Variants in CALN1 observed in about 807,000 individuals in gnomAD.
CALN1 encodes the protein calcium-binding protein 8.
A neutral mutation model predicts 30.6 loss-of-function variants in CALN1; 17 were observed. That is an observed-to-expected ratio of 0.56 (90% CI 0.38 to 0.83). The LOEUF is 0.83. CALN1 is among the 40% of genes least tolerant of loss of function. CALN1 has a pLI of 0.00. For synonymous variants in CALN1, 156 were observed against 131.4 expected (o/e 1.19, Z -1.28); for missense variants, 291 against 354.9 (o/e 0.82, Z 1.45).
At chr7:71,792,048 C>T (rs1044675360) in intron 6 of CALN1, among the ~76,000 whole-genome samples, 1 of 152,106 alleles carries the variant, frequency 6.6e-6, no homozygotes, top group African/African-American at 2.4e-5. Flanking sequence ...AGGAAGGTTT[C>T]TCCAGAAAGC....
chr7:72,146,699 C>T (rs980890752), intron 3 of CALN1, among the ~76,000 whole-genome samples: 3 of 152,188 alleles, frequency 2.0e-5, no homozygotes, highest in Non-Finnish European at 4.4e-5. Context: ...GGAGGCATCA[C>T]ACTACCTGAC....
chr7:72,390,444 T>TA (rs1562941268), intron 2 of CALN1, among the ~76,000 whole-genome samples: 1 of 151,622 alleles, frequency 6.6e-6, no homozygotes, highest in South Asian at 2.1e-4. Flanking sequence ...AAGTAAAAAT[T>TA]AAAAAAATAA....
chr7:72,042,310 T>C (rs1218897535), intron 4 of CALN1, among the ~76,000 whole-genome samples: 1 of 152,098 alleles, frequency 6.6e-6, no homozygotes, highest in Non-Finnish European at 1.5e-5. Flanking sequence ...GTAGCTATGA[T>C]TTACCATGGA....
At chr7:72,197,702 G>A (rs1436616404) in intron 3 of CALN1, among the ~76,000 whole-genome samples, 2 of 152,026 alleles carry the variant, frequency 1.3e-5, no homozygotes, top group Middle Eastern at 3.4e-3. Flanking sequence ...AATAAAGATG[G>A]AAAATTAGCC....
chr7:72,064,970 C>T (rs1472619949), intron 4 of CALN1, among the ~76,000 whole-genome samples: 1 of 151,380 alleles, frequency 6.6e-6, no homozygotes, highest in African/African-American at 2.4e-5. Flanking sequence ...AGCTGCAGTG[C>T]ACTTGGGCAC....
intron 3 of CALN1, among the ~76,000 whole-genome samples, chr7:72,273,717 C>T (rs953127095): frequency 4.6e-5 from 7 of 151,750 alleles, no homozygotes; most frequent in African/African-American, 1.7e-4. Flanking sequence ...CCCTATGTTG[C>T]CCAGGCTGGT....
chr7:71,835,614 A>C (rs897866681), intron 5 of CALN1, among the ~76,000 whole-genome samples: 1 of 152,266 alleles, frequency 6.6e-6, no homozygotes, highest in Admixed American at 6.5e-5. Context: ...TGAAATTTTA[A>C]TTAGCTAAAG....
chr7:72,132,968 C>A (rs932207700), intron 3 of CALN1, among the ~76,000 whole-genome samples: 83 of 151,980 alleles, frequency 5.5e-4, no homozygotes, highest in Non-Finnish European at 9.0e-4. Flanking sequence ...GGAGCGGGTA[C>A]CCTATTGCGA....
At chr7:71,882,602 A>G (rs748136687) in intron 5 of CALN1, among the ~76,000 whole-genome samples, 23 of 152,126 alleles carry the variant, frequency 1.5e-4, no homozygotes, top group Non-Finnish European at 2.9e-4. Context: ...GATAACTGCT[A>G]TCCTCTCAGA....
intron 4 of CALN1, among the ~76,000 whole-genome samples, chr7:72,061,025 G>A (rs1381793715): frequency 6.6e-6 from 1 of 152,184 alleles, no homozygotes; most frequent in East Asian, 1.9e-4. Flanking sequence ...TGGCCAACGG[G>A]TGGAGCACGA....
chr7:72,446,332 C>A (rs1459181826), intron 1 of CALN1, among the ~76,000 whole-genome samples: 1 of 152,226 alleles, frequency 6.6e-6, no homozygotes, highest in Non-Finnish European at 1.5e-5. Flanking sequence ...TCTACTCCTT[C>A]TCTCTGCCAG....
chr7:72,299,433 A>G (rs1799094197), intron 2 of CALN1, among the ~76,000 whole-genome samples: 1 of 117,082 alleles, frequency 8.5e-6, no homozygotes, highest in Admixed American at 9.1e-5. Flanking sequence ...ATACATGTAA[A>G]TATTTAACTC....
chr7:72,116,028 C>G (rs1274517016), intron 3 of CALN1, among the ~76,000 whole-genome samples: 1 of 152,034 alleles, frequency 6.6e-6, no homozygotes, highest in Non-Finnish European at 1.5e-5. Flanking sequence ...AATAACAGTC[C>G]ATTGTGTATA....
At chr7:72,391,691 T>G (rs756242965) in intron 2 of CALN1, among the ~76,000 whole-genome samples, 6 of 152,000 alleles carry the variant, frequency 3.9e-5, no homozygotes, top group African/African-American at 1.5e-4. Flanking sequence ...TAAATGGGAG[T>G]TCCCCTGCAC....
chr7:72,102,492 T>G (rs1376452871), intron 4 of CALN1, among the ~76,000 whole-genome samples: 2 of 152,096 alleles, frequency 1.3e-5, no homozygotes, highest in Non-Finnish European at 1.5e-5. Context: ...CCAGTGAGGT[T>G]GTATGCAGAA....
intron 5 of CALN1, among the ~76,000 whole-genome samples, chr7:71,889,409 C>T (rs71551230): frequency 0.11 from 17,403 of 152,076 alleles, 1,441 homozygotes; most frequent in East Asian, 0.43. Flanking sequence ...AAAAAAAAAT[C>T]ACTCTATAGT....
chr7:72,196,664 T>G (rs149743573), intron 3 of CALN1, among the ~76,000 whole-genome samples: 24 of 152,318 alleles, frequency 1.6e-4, no homozygotes, highest in Middle Eastern at 3.4e-3. Flanking sequence ...GCCCAACTGA[T>G]GGTGGACATT....
At chr7:72,233,164 T>G (rs1794228041) in intron 3 of CALN1, among the ~76,000 whole-genome samples, 1 of 150,652 alleles carries the variant, frequency 6.6e-6, no homozygotes, top group Non-Finnish European at 1.5e-5. Context: ...TTTGACTTCT[T>G]GATACAATAA....
chr7:72,062,525 A>AAAG (rs1554428113), intron 4 of CALN1, among the ~76,000 whole-genome samples: 7,175 of 148,168 alleles, frequency 0.048, 600 homozygotes, highest in African/African-American at 0.17. Context: ...AAAAAAAAAA[A>AAAG]AAAAAGAAAA....
Sources: gnomAD v4.1 joint callset for allele counts (sites outside exome capture counted in the v4.1 genomes callset) on GRCh38, gnomAD v4.1.1 for gene constraint, MANE v1.5 for transcripts, NCBI Gene and HGNC (gene_info 2026-07-23, HGNC 2026-07-21) for gene names.